ROCK1: variants seen among roughly 807,000 people sequenced by gnomAD.
ROCK1 encodes the protein rho-associated protein kinase 1.
ROCK1 carries 36 observed loss-of-function variants against 196.8 expected under a neutral mutation model. The ratio of observed to expected loss-of-function variants is 0.18; its 90% CI spans 0.14 to 0.24. The LOEUF (loss-of-function observed/expected upper bound fraction) is 0.24. Ranked by LOEUF, ROCK1 falls within the 10% of genes least tolerant of loss-of-function variation. ROCK1 has a pLI of 1.00. For missense variants in ROCK1, 920 were observed against 1,562.0 expected, an observed-to-expected ratio of 0.59 and a Z score of 6.93; for synonymous variants, 443 against 515.9, an observed-to-expected ratio of 0.86 and a Z score of 1.91.
chr18:20,972,045 AG>A (rs918384703), intron 22 of ROCK1, among the ~76,000 whole-genome samples: 1 of 152,136 alleles, frequency 6.6e-6, no homozygotes, highest in Non-Finnish European at 1.5e-5. Flanking sequence ...ATCAGACAGT[AG>A]GGGGACAATG....
At chr18:21,040,518 A>T (rs779352035) in intron 8 of ROCK1, among the ~76,000 whole-genome samples, 31 of 152,190 alleles carry the variant, frequency 2.0e-4, no homozygotes, top group Non-Finnish European at 3.2e-4. Context: ...TCCCTAGTAC[A>T]GTGCTTATAA....
At chr18:21,108,725 G>C (rs892068316) in intron 1 of ROCK1, among the ~76,000 whole-genome samples, 2 of 151,882 alleles carry the variant, frequency 1.3e-5, no homozygotes, top group African/African-American at 2.4e-5. Context: ...AATCATTTCT[G>C]GACTATTACA....
rs1404339916 is a variant in ROCK1, at chr18:21,046,585, T to C, written c.415-1118A>G. ...AGGAAGGCAGCAGCTAGGGTTCAAA[T>C]AGTAACAGCAAAATCCACTAATGTG... On this transcript the variant is annotated intron_variant, in intron 4 of 32. Coordinates refer to ENST00000399799, the MANE Select transcript of ROCK1 (RefSeq NM_005406.3). 3.3e-5 allele frequency among the ~76,000 whole-genome samples: 5 copies of C among 152,126 alleles called. No individual in the cohort carries two copies. In the East Asian group the frequency reaches 7.7e-4, roughly 23 times the overall value.
intron 1 of ROCK1, among the ~76,000 whole-genome samples, chr18:21,087,359 G>T (rs2036536293): frequency 6.6e-6 from 1 of 152,038 alleles, no homozygotes; most frequent in African/African-American, 2.4e-5. Context: ...AAATGGTCTA[G>T]ACAACAATTC....
At chr18:21,074,829 CATAA>C (rs1166309798) in intron 1 of ROCK1, among the ~76,000 whole-genome samples, 3 of 152,252 alleles carry the variant, frequency 2.0e-5, no homozygotes, top group South Asian at 4.2e-4. Context: ...GTAGGTACTA[CATAA>C]ATAGAGAAAA....
intron 2 of ROCK1, among the ~76,000 whole-genome samples, chr18:21,058,010 T>C (rs532462698): frequency 6.6e-6 from 1 of 152,188 alleles, no homozygotes; most frequent in African/African-American, 2.4e-5. Flanking sequence ...CATTTAAAAT[T>C]GTGTTGAATA....
At chr18:21,052,520 A>T (rs1055756532) in intron 2 of ROCK1, among the ~76,000 whole-genome samples, 1 of 152,194 alleles carries the variant, frequency 6.6e-6, no homozygotes, top group African/African-American at 2.4e-5. Context: ...GCACTAGAAC[A>T]GGGATTCCCA....
At chr18:21,039,399 A>C in intron 9 of ROCK1, 73 bp downstream of exon 9, 1 of 978,832 alleles carries the variant, frequency 1.0e-6, no homozygotes. Flanking sequence ...AATATTTAGC[A>C]ATGTAGTTTC....
At chr18:21,054,767 T>C (rs947187718) in intron 2 of ROCK1, among the ~76,000 whole-genome samples, 2 of 152,136 alleles carry the variant, frequency 1.3e-5, no homozygotes, top group Non-Finnish European at 2.9e-5. Flanking sequence ...TCAACACCTA[T>C]ACTTCTCTCC....
rs1482968807 is a variant in ROCK1, at chr18:20,950,055, A to T, written c.*1329T>A. The T allele has an allele frequency of 1.3e-5, 2 of 152,674 alleles. No homozygotes were observed. Among genetic ancestry groups the T allele is most frequent in the Non-Finnish European group, 2.9e-5 (2 of 68,050 alleles). The allele number at this position is 152,674 out of a possible 1,614,324, so 9.5% of individuals were successfully genotyped here. A position where few individuals can be genotyped will look rare whatever the true frequency, so the allele number is the denominator to read the frequency against. Reference sequence around the variant, plus strand: ...TTCTTATCTGATACACATTACTGCAAAGCCATTATAAATTACTGAGGAGGT... The same window carrying T: ...TTCTTATCTGATACACATTACTGCATAGCCATTATAAATTACTGAGGAGGT... On this transcript the variant is annotated 3_prime_UTR_variant, in exon 33 of 33. Transcript: ENST00000399799.
chr18:20,954,515 G>A (rs1053265109), intron 31 of ROCK1, among the ~76,000 whole-genome samples: 3 of 152,190 alleles, frequency 2.0e-5, no homozygotes, highest in African/African-American at 7.2e-5. Context: ...GGCAGAGGCT[G>A]CAGTGAGCTG....
chr18:21,075,790 T>A (rs1842609), intron 1 of ROCK1, among the ~76,000 whole-genome samples: 1 of 151,298 alleles, frequency 6.6e-6, no homozygotes, highest in African/African-American at 2.4e-5. Context: ...CCTTCTTTAC[T>A]AAAATACAAA....
intron 13 of ROCK1, among the ~76,000 whole-genome samples, chr18:21,010,756 G>A (rs1045385053): frequency 6.6e-5 from 10 of 152,204 alleles, no homozygotes; most frequent in African/African-American, 2.4e-4. Flanking sequence ...GTTCTCCTAT[G>A]TTTGGTGATT....
chr18:21,045,221 A>T (rs2036145620), intron 5 of ROCK1, 71 bp downstream of exon 5: 2 of 1,345,468 alleles, frequency 1.5e-6, no homozygotes, highest in Admixed American at 2.3e-5. Context: ...AACTGAGAGT[A>T]AGAAATGTTA....
At chr18:21,022,111 T>A (rs116653479) in intron 11 of ROCK1, among the ~76,000 whole-genome samples, 3,409 of 151,808 alleles carry the variant, frequency 0.022, 136 homozygotes, top group African/African-American at 0.079. Context: ...TACCTCTTCC[T>A]CTCCTCTGTT....
intron 1 of ROCK1, among the ~76,000 whole-genome samples, chr18:21,105,161 T>TATCTAGTA (rs1425962403): frequency 5.3e-4 from 81 of 152,330 alleles, no homozygotes; most frequent in African/African-American, 1.9e-3. Context: ...TTTTATCCCC[T>TATCTAGTA]CTTATTTTTC....
In ROCK1 at chr18:21,032,381, A is replaced by G. The variant is rs368722168; in HGVS notation, c.1052-3446T>C. Among the ~76,000 whole-genome samples the G allele has an allele frequency of 9.2e-5, 14 of 152,326 alleles. No homozygotes were observed. In the East Asian group the frequency reaches 2.7e-3, roughly 29 times the overall value. The stretch of plus-strand genomic sequence containing the variant: ...ATAAGAAAATGACTAAAAAATATAC[A>G]GAAAAGGAAAAGAAGAAGGAATCAA... On this transcript the variant is annotated intron_variant, in intron 9 of 32. Transcript: ENST00000399799.
At chr18:21,072,192 G>T (rs1239579010) in intron 1 of ROCK1, among the ~76,000 whole-genome samples, 2 of 152,196 alleles carry the variant, frequency 1.3e-5, no homozygotes, top group East Asian at 3.8e-4. Flanking sequence ...TCATGTGTTT[G>T]TTAATGAAAA....
intron 27 of ROCK1, among the ~76,000 whole-genome samples, chr18:20,963,895 C>T (rs928906818): frequency 1.5e-4 from 23 of 152,128 alleles, no homozygotes; most frequent in African/African-American, 4.8e-4. Context: ...ACTTCAAGAA[C>T]TTCAAAGAGT....
Sources: gnomAD v4.1 joint callset for allele counts (sites outside exome capture counted in the v4.1 genomes callset) on GRCh38, gnomAD v4.1.1 for gene constraint, MANE v1.5 for transcripts, NCBI Gene and HGNC (gene_info 2026-07-23, HGNC 2026-07-21) for gene names.